The following ADAMTS18 variants were observed in gnomAD, a reference collection of about 807,000 sequenced individuals.
The protein encoded by ADAMTS18 is A disintegrin and metalloproteinase with thrombospondin motifs 18.
Under a neutral mutation model 165.9 loss-of-function variants are expected in ADAMTS18, and 157 were observed. The ratio of observed to expected loss-of-function variants is 0.95; its 90% confidence interval spans 0.83 to 1.08. The LOEUF (loss-of-function observed/expected upper bound fraction) is 1.08, where lower values mean the gene tolerates loss of function less well. Ranked by LOEUF, ADAMTS18 falls within the 50% of genes least tolerant of loss-of-function variation. The pLI is 0.00. For missense variants in ADAMTS18, 2,040 were observed against 1,534.0 expected, an observed-to-expected ratio of 1.33 and a Z score of -5.51; for synonymous variants, 782 against 578.2, an observed-to-expected ratio of 1.35 and a Z score of -5.06.
intron 16 of ADAMTS18, 122 bp downstream of exon 16, chr16:77,319,727 G>C (rs749567605): frequency 6.7e-7 from 1 of 1,496,810 alleles, no homozygotes; most frequent in Non-Finnish European, 9.2e-7. Context: ...ACAGGCATGA[G>C]CCACCATGCC....
At chr16:77,382,219 GTTTGTTTT>G (rs1467101958) in intron 3 of ADAMTS18, among the ~76,000 whole-genome samples, 3 of 150,508 alleles carry the variant, frequency 2.0e-5, no homozygotes, top group Non-Finnish European at 3.0e-5. Flanking sequence ...TTGTTTGTTT[GTTTGTTTT>G]TTTGAGACAG....
At chr16:77,413,661 T>C (rs1423604105) in intron 3 of ADAMTS18, among the ~76,000 whole-genome samples, 1 of 152,172 alleles carries the variant, frequency 6.6e-6, no homozygotes, top group Non-Finnish European at 1.5e-5. Flanking sequence ...ATAATTGCTT[T>C]GCTTTCTACA....
At chr16:77,332,357 G>A (rs2056202834) in intron 12 of ADAMTS18, among the ~76,000 whole-genome samples, 1 of 152,204 alleles carries the variant, frequency 6.6e-6, no homozygotes, top group Non-Finnish European at 1.5e-5. Context: ...CTGACCCTCT[G>A]TGACCCCGTC....
chr16:77,409,564 T>C (rs1160903186), intron 3 of ADAMTS18, among the ~76,000 whole-genome samples: 1 of 152,156 alleles, frequency 6.6e-6, no homozygotes, highest in Non-Finnish European at 1.5e-5. Flanking sequence ...GAGAACTGAA[T>C]CCTGAGATCA....
At chr16:77,342,070 G>C (rs904312741) in intron 10 of ADAMTS18, among the ~76,000 whole-genome samples, 1 of 152,200 alleles carries the variant, frequency 6.6e-6, no homozygotes, top group Non-Finnish European at 1.5e-5. Context: ...TGGCTTGGAA[G>C]TGATAGATCT....
rs974669475 is a variant in ADAMTS18 at position 77,325,974 on chromosome 16, G to T, written c.1924C>A (p.Pro642Thr). The change falls in exon 13 of 23, where the codon CCT (proline) becomes ACT (threonine). Residue 642 changes from proline (P) to threonine (T), a missense_variant. Transcript: ENST00000282849. ...SRIYQLCNIN[P>T]CNENSLDFRA... ...AAATCCAAGCTATTTTCATTGCAAG[G>T]GTTAATATTGCACAGCTGATAAATA... is the stretch of plus-strand genomic sequence containing the variant. 6.2e-7 allele frequency: 1 copy of T among 1,613,870 alleles called. No homozygotes were observed. Among genetic ancestry groups the T allele is most frequent in the Admixed American group, 1.7e-5 (1 of 59,996 alleles).
chr16:77,347,171 A>C (rs920085499), intron 10 of ADAMTS18, among the ~76,000 whole-genome samples: 1 of 152,172 alleles, frequency 6.6e-6, no homozygotes, highest in Non-Finnish European at 1.5e-5. Flanking sequence ...ATACAGCAAA[A>C]TCTAATCTGC....
rs576941720 is a variant in ADAMTS18, at chr16:77,282,280, C to G, written c.*1676G>C. ...GAAGCAAGTGAGAACACATAATAGGCTATTAATTAATAAATTAATTTTCCA... is the reference window on the plus strand; with the variant it reads ...GAAGCAAGTGAGAACACATAATAGGGTATTAATTAATAAATTAATTTTCCA... On this transcript the variant is annotated 3_prime_UTR_variant, in exon 23 of 23. Transcript: ENST00000282849. 6.6e-6 allele frequency: 1 copy of G among 151,814 alleles called. No homozygotes were observed. The highest frequency in any genetic ancestry group is 2.1e-4 in the South Asian group (1 of 4,818). 9.4% of individuals were successfully genotyped at this position (151,814 alleles called of 1,614,324 possible).
intron 16 of ADAMTS18, among the ~76,000 whole-genome samples, chr16:77,318,736 G>A (rs1484921067): frequency 6.6e-6 from 1 of 152,134 alleles, no homozygotes; most frequent in East Asian, 1.9e-4. Context: ...AGCTGTATGA[G>A]ATAGGCAAGT....
chr16:77,315,039 G>A (rs2055862427), intron 16 of ADAMTS18, among the ~76,000 whole-genome samples: 1 of 151,178 alleles, frequency 6.6e-6, no homozygotes, highest in African/African-American at 2.4e-5. Context: ...TGGAATTTAA[G>A]GTTATGTGTT....
intron 11 of ADAMTS18, 77 bp from the exon 12 acceptor site, chr16:77,335,981 G>A (rs962077589): frequency 1.3e-6 from 2 of 1,563,074 alleles, no homozygotes; most frequent in Admixed American, 1.7e-5. Context: ...CACCTGCACA[G>A]TAACAGGAAA....
chr16:77,400,854 T>C (rs2057322669), intron 3 of ADAMTS18, among the ~76,000 whole-genome samples: 1 of 152,088 alleles, frequency 6.6e-6, no homozygotes, highest in Non-Finnish European at 1.5e-5. Context: ...TATACTGCTG[T>C]TGTTCCTTCC....
At position 77,431,201 on chromosome 16, in the gene ADAMTS18, T is replaced by C. The variant is rs112013566; in HGVS notation, c.495+94A>G. On this transcript the variant is annotated intron_variant, in intron 3 of 22. Coordinates refer to ENST00000282849, the MANE Select transcript of ADAMTS18 (RefSeq NM_199355.4). ...AGGCTGACAGTGTGAATGTGTGGAGTTGGCTGGAAGAGCATTTATATTGCA... is the reference window on the plus strand; with the variant it reads ...AGGCTGACAGTGTGAATGTGTGGAGCTGGCTGGAAGAGCATTTATATTGCA... 156 of 1,342,592 alleles carry C rather than the reference T, an allele frequency of 1.2e-4. 2 individuals carry two copies. The African/African-American group carries it at 1.5e-3, about 13-fold the overall frequency. 83.2% of individuals were successfully genotyped at this position (1,342,592 alleles called of 1,614,324 possible). A position where few individuals can be genotyped will look rare whatever the true frequency, so the allele number is the denominator to read the frequency against.
chr16:77,368,475 C>T (rs1457828014), intron 3 of ADAMTS18, among the ~76,000 whole-genome samples: 9 of 135,976 alleles, frequency 6.6e-5, no homozygotes, highest in Non-Finnish European at 1.4e-4. Flanking sequence ...TTCATTCTGT[C>T]CCTTAGGTTG....
Position 77,364,278 on chromosome 16 carries a change from A to G in ADAMTS18, c.882T>C (p.Asn294=). The change falls in exon 5 of 23, where the codon AAT becomes AAC. Residue 294 remains asparagine, a synonymous_variant. Transcript: ENST00000282849. ...RSAGKSQKGL[N]VETLVVADKK... Reference sequence around the variant, plus strand: ...TGTCTGCCACCACGAGGGTTTCCACATTGAGGCCCTTTTGTGATTTTCCAG... The same window carrying G: ...TGTCTGCCACCACGAGGGTTTCCACGTTGAGGCCCTTTTGTGATTTTCCAG... 1 of 1,613,940 alleles carries G rather than the reference A, an allele frequency of 6.2e-7. No individual in the cohort carries two copies. Among genetic ancestry groups the G allele is most frequent in the Non-Finnish European group, 8.5e-7 (1 of 1,180,016 alleles).
rs202243512 is a variant in ADAMTS18, at chr16:77,319,824, A to T, written c.2532+25T>A. On this transcript the variant is annotated intron_variant, in intron 16 of 22. Coordinates refer to ENST00000282849, the MANE Select transcript of ADAMTS18 (RefSeq NM_199355.4). ...TATAAATGTAGCAAGAAGCACTGAG[A>T]ACTGAATACACAGAAGGGGCTTACT... is the stretch of plus-strand genomic sequence containing the variant. 8.7e-6 allele frequency: 14 copies of T among 1,613,900 alleles called. No homozygotes were observed. In the East Asian group the frequency reaches 1.8e-4, roughly 21 times the overall value.
Position 77,300,352 on chromosome 16 carries a change from T to A in ADAMTS18, c.2585A>T (p.Lys862Met), listed in dbSNP as rs1231080833. ...GGCTGGTGGAGTTCCATTCATGACC[T>A]TGGGAAGTGCATACTTCCAAGCTAT... ...PGIAWKYALP[K>M]VMNGTPPATK... is the part of the protein sequence containing the mutation. The change falls in exon 17 of 23, where the codon AAG becomes ATG. Residue 862 changes from lysine to methionine, a missense_variant. By Grantham distance (95) the Lys-to-Met change is moderately conservative (BLOSUM62 -1). Transcript: ENST00000282849. 8.1e-6 allele frequency: 13 copies of A among 1,613,894 alleles called. No homozygotes were observed. The highest frequency in any genetic ancestry group is 1.1e-5 in the Non-Finnish European group (13 of 1,179,950).
chr16:77,368,964 C>T (rs1567518781), intron 3 of ADAMTS18, among the ~76,000 whole-genome samples: 1 of 152,190 alleles, frequency 6.6e-6, no homozygotes, highest in Non-Finnish European at 1.5e-5. Context: ...AAGATGCACC[C>T]TTGTCTTTCT....
intron 3 of ADAMTS18, among the ~76,000 whole-genome samples, chr16:77,418,813 C>T (rs548280760): frequency 6.6e-5 from 10 of 152,264 alleles, no homozygotes; most frequent in Non-Finnish European, 1.3e-4. Context: ...TATTTGTTTT[C>T]TATTGCTGCC....
Sources: gnomAD v4.1 joint callset for allele counts (sites outside exome capture counted in the v4.1 genomes callset) on GRCh38, gnomAD v4.1.1 for gene constraint, MANE v1.5 for transcripts, NCBI Gene and HGNC (gene_info 2026-07-23, HGNC 2026-07-21) for gene names.